Variants in C11orf65 observed in about 807,000 individuals in gnomAD.
The protein encoded by C11orf65 is chromosome 11 open reading frame 65, also known as protein MFI.
C11orf65 carries 38 observed loss-of-function variants against 35.3 expected under a neutral mutation model. The observed-to-expected ratio is 1.08, with a 90% CI of 0.83 to 1.41. The LOEUF (loss-of-function observed/expected upper bound fraction) is 1.41, where lower values mean the gene tolerates loss of function less well. Among genes scored for constraint, C11orf65 ranks in the 40% most tolerant of loss-of-function variants. The probability of loss-of-function intolerance (pLI) is 0.00; values close to 1 mark genes in which losing one functional copy is unlikely to be tolerated. For missense variants in C11orf65, 370 were observed against 367.1 expected (o/e 1.01, Z -0.06); for synonymous variants, 105 against 114.4 (o/e 0.92, Z 0.53).
At chr11:108,390,260 A>G (rs1030619963) in intron 7 of C11orf65, among the ~76,000 whole-genome samples, 13 of 151,804 alleles carry the variant, frequency 8.6e-5, no homozygotes, top group Admixed American at 2.6e-4. Context: ...TCCCGACCTC[A>G]TGATCCACCT....
chr11:108,371,266 C>T (rs1263926297), intron 2 of C11orf65, among the ~76,000 whole-genome samples: 5 of 152,138 alleles, frequency 3.3e-5, no homozygotes, highest in African/African-American at 9.7e-5. Flanking sequence ...TTTACCATCT[C>T]GTTTTTAAGT....
At chr11:108,332,133 T>C (rs2086325835) in intron 3 of C11orf65, 1 of 1,492,700 alleles carries the variant, frequency 6.7e-7, no homozygotes, top group Admixed American at 1.9e-5. Context: ...AGATGCCATC[T>C]AAAATCGGTT....
chr11:108,318,141 C>T (rs923654113), intron 6 of C11orf65, among the ~76,000 whole-genome samples: 2 of 152,066 alleles, frequency 1.3e-5, no homozygotes, highest in Admixed American at 1.3e-4. Context: ...GCGGGTGGAT[C>T]GCCTGAGCTC....
intron 2 of C11orf65, chr11:108,347,387 T>C: frequency 1.3e-6 from 2 of 1,527,994 alleles, no homozygotes; most frequent in Non-Finnish European, 1.8e-6. Flanking sequence ...AATCTATGTA[T>C]CTATTCTTTT....
Position 108,374,857 on chromosome 11 carries a change from T to C in C11orf65, c.226+18351A>G, listed in dbSNP as rs368858690. ...TGAAGAATGCAGAAGCCTCAGGAGC[T>C]GATGCGATCAACTGGAAGAAAGGGT... On this transcript the variant is annotated intron_variant, in intron 2 of 3. Coordinates refer to the C11orf65 transcript ENST00000524755. 5.3e-4 allele frequency among the ~76,000 whole-genome samples: 81 copies of C among 152,234 alleles called. No individual in the cohort carries two copies. The East Asian group carries it at 0.013, about 24-fold the overall frequency.
At chr11:108,464,896 C>T (rs1459994840) in intron 1 of C11orf65, among the ~76,000 whole-genome samples, 1 of 151,768 alleles carries the variant, frequency 6.6e-6, no homozygotes, top group Admixed American at 6.6e-5. Context: ...CCTAACACTG[C>T]CAAACTGTCC....
At chr11:108,317,674 CTA>C (rs1241876600) in intron 6 of C11orf65, among the ~76,000 whole-genome samples, 4 of 129,296 alleles carry the variant, frequency 3.1e-5, no homozygotes, top group South Asian at 2.4e-4. Context: ...CACACACACA[CTA>C]TATATATATA....
intron 7 of C11orf65, among the ~76,000 whole-genome samples, chr11:108,392,194 G>C (rs1238566677): frequency 6.6e-6 from 1 of 152,064 alleles, no homozygotes; most frequent in Non-Finnish European, 1.5e-5. Context: ...CTACAGTTAT[G>C]CACCAGCAGG....
At chr11:108,391,812 C>T (rs1169391030) in intron 7 of C11orf65, among the ~76,000 whole-genome samples, 1 of 148,832 alleles carries the variant, frequency 6.7e-6, no homozygotes, top group African/African-American at 2.5e-5. Flanking sequence ...TATAGGTTTG[C>T]CTATTCTGGG....
At chr11:108,444,786 G>A (rs1031172316) in intron 2 of C11orf65, among the ~76,000 whole-genome samples, 6 of 152,132 alleles carry the variant, frequency 3.9e-5, no homozygotes, top group South Asian at 2.1e-4. Context: ...CACCGTGCAC[G>A]AGCTGAAGCA....
intron 6 of C11orf65, chr11:108,310,037 G>A (rs1183023483): frequency 2.1e-6 from 2 of 957,412 alleles, no homozygotes; most frequent in Non-Finnish European, 3.1e-6. Context: ...GGGGAAATGT[G>A]GTTTTTGGGA....
intron 2 of C11orf65, chr11:108,340,145 A>G (rs1157577729): frequency 6.7e-6 from 1 of 149,802 alleles, no homozygotes; most frequent in Non-Finnish European, 1.5e-5. Context: ...ACTGAAACCT[A>G]GAGGCTTTAT....
intron 6 of C11orf65, chr11:108,310,413 T>A: frequency 8.8e-7 from 1 of 1,131,796 alleles, no homozygotes; most frequent in Non-Finnish European, 1.3e-6. Flanking sequence ...GTTCCCCATT[T>A]AAAAGATATT....
At chr11:108,430,563 T>C (rs2092972600) in intron 3 of C11orf65, among the ~76,000 whole-genome samples, 1 of 151,910 alleles carries the variant, frequency 6.6e-6, no homozygotes, top group Non-Finnish European at 1.5e-5. Flanking sequence ...AAAAGACCAA[T>C]AAGGGTACGG....
At chr11:108,374,559 A>C (rs1249190698) in intron 2 of C11orf65, among the ~76,000 whole-genome samples, 6 of 152,236 alleles carry the variant, frequency 3.9e-5, no homozygotes, top group Admixed American at 3.9e-4. Context: ...GAAAAACTGG[A>C]AACTCTAAAA....
chr11:108,365,563 T>TTTA (rs1001404454), intron 2 of C11orf65: 1 of 1,568,376 alleles, frequency 6.4e-7, no homozygotes, highest in Non-Finnish European at 8.7e-7. Flanking sequence ...TATTTTAGCC[T>TTTA]TTATTTTTAA....
chr11:108,401,033 T>C (rs902764472), intron 6 of C11orf65, among the ~76,000 whole-genome samples: 1 of 151,724 alleles, frequency 6.6e-6, no homozygotes, highest in Admixed American at 6.6e-5. Context: ...TGCTTGAACC[T>C]GGGAGGCAGA....
In C11orf65 at chr11:108,365,208, C is replaced by G. The variant is rs770641163; in HGVS notation, c.226+28000G>C. ...GAATGCAGATGACCAAGAATGCAAA[C>G]GAAATCTCAGGTGAGCAGTATTTTA... On this transcript the variant is annotated intron_variant, in intron 2 of 3. Transcript: ENST00000524755. The G allele has an allele frequency of 6.2e-7, 1 of 1,614,140 alleles. No homozygotes were observed. Among genetic ancestry groups the G allele is most frequent in the South Asian group, 1.1e-5 (1 of 91,084 alleles).
chr11:108,328,349 C>T (rs1049192159), downstream of C11orf65, among the ~76,000 whole-genome samples: 2 of 152,138 alleles, frequency 1.3e-5, no homozygotes, highest in South Asian at 4.1e-4. Flanking sequence ...TGGGTTCAAG[C>T]GATTCTCCTG....
Sources: gnomAD v4.1 joint callset for allele counts (sites outside exome capture counted in the v4.1 genomes callset) on GRCh38, gnomAD v4.1.1 for gene constraint, MANE v1.5 for transcripts, NCBI Gene and HGNC (gene_info 2026-07-23, HGNC 2026-07-21) for gene names.